The following GLCCI1 variants were observed in gnomAD, a reference collection of about 807,000 sequenced individuals.
The protein encoded by GLCCI1 is glucocorticoid-induced transcript 1 protein.
A neutral mutation model predicts 52.2 loss-of-function variants in GLCCI1; 24 were observed. The observed-to-expected ratio is 0.46, with a 90% CI of 0.33 to 0.65. The LOEUF is 0.65. Among genes scored for constraint, GLCCI1 ranks in the 30% least tolerant of loss-of-function variants. The pLI is 0.02. For synonymous variants in GLCCI1, 310 were observed against 276.5 expected (o/e 1.12, Z -1.20); for missense variants, 704 against 701.5 (o/e 1.00, Z -0.04).
intron 3 of GLCCI1, among the ~76,000 whole-genome samples, chr7:8,054,800 A>G (rs1455030660): frequency 6.6e-6 from 1 of 152,092 alleles, no homozygotes; most frequent in Non-Finnish European, 1.5e-5. Context: ...ATTCCAGGTC[A>G]TATTATAGTA....
chr7:7,977,268 T>G lies in GLCCI1; in HGVS notation c.457+7461T>G, dbSNP rs28177. Among the ~76,000 whole-genome samples the G allele has an allele frequency of 1.6e-3, 251 of 152,146 alleles. 2 individuals carry two copies. The highest frequency in any genetic ancestry group is 5.4e-3 in the African/African-American group (223 of 41,514). On this transcript the variant is annotated intron_variant, in intron 1 of 7. Coordinates refer to ENST00000223145, the MANE Select transcript of GLCCI1 (RefSeq NM_138426.4). ...ACTTATTGATAACATATACATAAAATTGATTACTATAGATGATATTGAGAA... is the reference window on the plus strand; with the variant it reads ...ACTTATTGATAACATATACATAAAAGTGATTACTATAGATGATATTGAGAA...
At chr7:8,047,578 A>G (rs776967810) in intron 3 of GLCCI1, among the ~76,000 whole-genome samples, 10 of 152,210 alleles carry the variant, frequency 6.6e-5, no homozygotes, top group Admixed American at 3.3e-4. Context: ...ATTAGTTTAT[A>G]TAGTGTCAAC....
intron 2 of GLCCI1, among the ~76,000 whole-genome samples, chr7:8,021,344 T>C (rs1167476664): frequency 1.3e-5 from 2 of 152,206 alleles, no homozygotes; most frequent in Non-Finnish European, 2.9e-5. Flanking sequence ...AAGTAGTGGT[T>C]TTGACCCTTT....
At chr7:7,986,288 G>A (rs1299662596) in intron 1 of GLCCI1, among the ~76,000 whole-genome samples, 2 of 152,014 alleles carry the variant, frequency 1.3e-5, no homozygotes, top group Non-Finnish European at 2.9e-5. Flanking sequence ...TGAGGCAGGC[G>A]GATCATGAGG....
chr7:8,024,338 A>G (rs1288047264), intron 3 of GLCCI1, among the ~76,000 whole-genome samples: 2 of 152,240 alleles, frequency 1.3e-5, no homozygotes, highest in Admixed American at 6.5e-5. Context: ...GTATGCAAAA[A>G]AAATCAGTTT....
chr7:8,060,124 C>T lies in GLCCI1; in HGVS notation c.842C>T (p.Pro281Leu). The T allele has an allele frequency of 6.2e-7, 1 of 1,613,570 alleles. No individual in the cohort carries two copies. Among genetic ancestry groups the T allele is most frequent in the Non-Finnish European group, 8.5e-7 (1 of 1,179,714 alleles). ...QATGSRSVPM[P>L]LSNISVPKSS... is the part of the protein sequence containing the mutation. ...ACTGGATCAAGGTCAGTTCCTATGC[C>T]ACTGTCAAATATATCAGTGCCAAAA... The change falls in exon 5 of 8, where the codon CCA (proline) becomes CTA (leucine). Residue 281 changes from proline to leucine, a missense_variant. This residue lies in a region of GLCCI1 where 547 missense variants were observed against 524.8 expected (regional missense o/e 1.04). Transcript: ENST00000223145.
chr7:8,027,481 C>G (rs1423879496), intron 3 of GLCCI1, among the ~76,000 whole-genome samples: 2 of 151,794 alleles, frequency 1.3e-5, no homozygotes, highest in South Asian at 4.2e-4. Context: ...GAGTGAAACC[C>G]TATCTCAAAA....
chr7:8,039,533 A>G (rs931455852), intron 3 of GLCCI1, among the ~76,000 whole-genome samples: 1 of 152,238 alleles, frequency 6.6e-6, no homozygotes, highest in African/African-American at 2.4e-5. Context: ...GAAATAACTC[A>G]GAAGCAGTCA....
chr7:8,017,989 A>T (rs1012444677), intron 2 of GLCCI1, among the ~76,000 whole-genome samples: 4 of 152,180 alleles, frequency 2.6e-5, no homozygotes, highest in African/African-American at 9.6e-5. Context: ...AAAAACAAAT[A>T]TTTGTAAATA....
At chr7:8,007,824 T>C (rs1387082385) in intron 2 of GLCCI1, among the ~76,000 whole-genome samples, 2 of 152,146 alleles carry the variant, frequency 1.3e-5, no homozygotes, top group African/African-American at 4.8e-5. Flanking sequence ...TTAATATTGT[T>C]TAGTATGTTT....
At chr7:7,978,114 A>G (rs1780533746) in intron 1 of GLCCI1, among the ~76,000 whole-genome samples, 1 of 152,204 alleles carries the variant, frequency 6.6e-6, no homozygotes, top group Non-Finnish European at 1.5e-5. Flanking sequence ...TTATGCCATC[A>G]TTGGGCCTTC....
At chr7:8,008,896 C>T (rs184798565) in intron 2 of GLCCI1, among the ~76,000 whole-genome samples, 2 of 151,690 alleles carry the variant, frequency 1.3e-5, no homozygotes, top group Admixed American at 6.6e-5. Context: ...CTTCACTGAA[C>T]AGTTTTTTTT....
intron 3 of GLCCI1, among the ~76,000 whole-genome samples, chr7:8,046,095 TTAAA>T (rs1353573535): frequency 8.5e-5 from 13 of 152,094 alleles, no homozygotes; most frequent in African/African-American, 2.6e-4. Flanking sequence ...TTTGATAAAA[TTAAA>T]TAAACTGTTG....
At chr7:8,035,916 T>C (rs149783288) in intron 3 of GLCCI1, among the ~76,000 whole-genome samples, 2,392 of 152,286 alleles carry the variant, frequency 0.016, 40 homozygotes, top group Middle Eastern at 0.024. Flanking sequence ...CATTGGAGTA[T>C]TGAAGAGCAG....
intron 3 of GLCCI1, among the ~76,000 whole-genome samples, chr7:8,030,772 G>C (rs189981175): frequency 6.6e-6 from 1 of 152,050 alleles, no homozygotes; most frequent in South Asian, 2.1e-4. Flanking sequence ...TGGAAAACAG[G>C]CATACGAAAA....
intron 1 of GLCCI1, among the ~76,000 whole-genome samples, chr7:7,979,419 A>G (rs952052839): frequency 1.4e-5 from 2 of 144,784 alleles, no homozygotes; most frequent in African/African-American, 4.9e-5. Flanking sequence ...GATTTTATAT[A>G]TGAATTGTTT....
intron 2 of GLCCI1, among the ~76,000 whole-genome samples, chr7:8,004,792 A>T (rs1321566644): frequency 6.6e-6 from 1 of 152,234 alleles, no homozygotes; most frequent in African/African-American, 2.4e-5. Flanking sequence ...TCGACGTTAG[A>T]TGAATGGAGT....
At chr7:8,083,076 A>G (rs1783031294) in intron 6 of GLCCI1, among the ~76,000 whole-genome samples, 1 of 152,198 alleles carries the variant, frequency 6.6e-6, no homozygotes, top group Non-Finnish European at 1.5e-5. Context: ...TCCAGCAGTA[A>G]TCTCCATGGA....
At chr7:8,036,956 GA>G (rs1454216806) in intron 3 of GLCCI1, among the ~76,000 whole-genome samples, 1 of 152,048 alleles carries the variant, frequency 6.6e-6, no homozygotes, top group African/African-American at 2.4e-5. Flanking sequence ...AGAAGAAAAA[GA>G]AAAAAGTTTG....
Sources: gnomAD v4.1 joint callset for allele counts (sites outside exome capture counted in the v4.1 genomes callset) on GRCh38, gnomAD v4.1.1 for gene constraint, gnomAD v4.1.1 regional missense constraint, MANE v1.5 for transcripts, NCBI Gene and HGNC (gene_info 2026-07-23, HGNC 2026-07-21) for gene names.